The following B2M variants were observed in gnomAD, a reference collection of about 807,000 sequenced individuals.
The protein encoded by B2M is beta-2-microglobulin.
Under a neutral mutation model 14.5 loss-of-function variants are expected in B2M, and 3 were observed. The observed-to-expected ratio is 0.21, with a 90% confidence interval of 0.09 to 0.53. The LOEUF (loss-of-function observed/expected upper bound fraction) is 0.53, where lower values mean the gene tolerates loss of function less well. Ranked by LOEUF, B2M falls within the 20% of genes least tolerant of loss-of-function variation. The pLI, the probability that B2M is intolerant of heterozygous loss-of-function variation, is 0.95. For missense variants in B2M, 107 were observed against 140.8 expected (o/e 0.76, Z 1.21); for synonymous variants, 45 against 52.7 (o/e 0.85, Z 0.64).
intron 2 of B2M, chr15:44,716,125 A>G (rs1002665848): frequency 3.1e-6 from 2 of 638,266 alleles, no homozygotes; most frequent in Admixed American, 5.5e-5. Flanking sequence ...GGACTTCTCC[A>G]GTACTTTCTG....
rs1423086153 is a variant in B2M at position 44,713,925 on chromosome 15, GA to G, written c.68-1497del. On this transcript the variant is annotated intron_variant, in intron 1 of 3. Transcript: ENST00000648006. ...TTCTCCCCACAGCCTCCCAGACAAG[GA>G]GGAGTAGCTGCCTTTTAGTGATCAT... 4 of 152,148 alleles carry G rather than the reference GA, an allele frequency of 2.6e-5. No individual in the cohort carries two copies. In the East Asian group the frequency reaches 7.7e-4, roughly 29 times the overall value. 9.4% of individuals were successfully genotyped at this position (152,148 alleles called of 1,614,324 possible). A position where few individuals can be genotyped will look rare whatever the true frequency, so the allele number is the denominator to read the frequency against.
intron 1 of B2M, 35 bp downstream of exon 1, chr15:44,711,648 C>T: frequency 2.5e-6 from 4 of 1,591,716 alleles, no homozygotes; most frequent in Non-Finnish European, 3.4e-6. Flanking sequence ...CTGGTCCTTC[C>T]TCTCCCGCTC....
At chr15:44,714,897 GC>G in intron 1 of B2M, 1 of 205,620 alleles carries the variant, frequency 4.9e-6, no homozygotes, top group Non-Finnish European at 9.9e-6. Context: ...GTAGATCAAG[GC>G]AGGAGCAGGA....
At chr15:44,715,389 C>T (rs2086929523) in intron 1 of B2M, 34 bp from the exon 2 acceptor site, 1 of 1,603,474 alleles carries the variant, frequency 6.2e-7, no homozygotes, top group Non-Finnish European at 8.5e-7. Context: ...AATACCCTGG[C>T]AATATTAATG....
intron 1 of B2M, chr15:44,714,561 C>A (rs2086920787): frequency 6.6e-6 from 1 of 152,096 alleles, no homozygotes; most frequent in Admixed American, 6.6e-5. Context: ...TCAAGACCAG[C>A]CTGGCCAACA....
intron 2 of B2M, 60 bp downstream of exon 2, chr15:44,715,761 A>G: frequency 6.3e-7 from 1 of 1,597,654 alleles, no homozygotes; most frequent in Non-Finnish European, 8.6e-7. Flanking sequence ...CATATCATAA[A>G]GCTGCTTTGA....
intron 1 of B2M, chr15:44,712,043 G>A: frequency 3.6e-6 from 1 of 278,002 alleles, no homozygotes; most frequent in Non-Finnish European, 7.1e-6. Context: ...GTGGAGGGGC[G>A]CTTGGGGTCT....
intron 1 of B2M, chr15:44,712,149 A>T: frequency 3.8e-6 from 1 of 262,540 alleles, no homozygotes; most frequent in East Asian, 9.4e-5. Flanking sequence ...CTAAGTTCGC[A>T]TGTCCTAGCA....
chr15:44,715,688 G>T lies in B2M; in HGVS notation c.333G>T (p.Lys111Asn). ...RVNHVTLSQP[K>N]IVKWDRDM ...ACCATGTGACTTTGTCACAGCCCAA[G>T]ATAGTTAAGTGGGGTAAGTCTTACA... The change falls in exon 2 of 4, where the codon AAG (lysine) becomes AAT (asparagine). Residue 111 changes from lysine to asparagine, a missense_variant. Physicochemically the swap from Lys to Asn is moderately conservative, Grantham distance 94. Transcript: ENST00000648006. 6 of 1,614,192 alleles carry T rather than the reference G, an allele frequency of 3.7e-6. No homozygotes were observed. The highest frequency in any genetic ancestry group is 5.1e-6 in the Non-Finnish European group (6 of 1,180,034).
chr15:44,716,508 TCTC>T, intron 3 of B2M, 152 bp downstream of exon 3: 3 of 860,128 alleles, frequency 3.5e-6, no homozygotes, highest in Non-Finnish European at 1.9e-6. Flanking sequence ...CATGTTCCCT[TCTC>T]CTGTGGAGTG....
At chr15:44,712,386 G>T (rs866629476) in intron 1 of B2M, among the ~76,000 whole-genome samples, 1 of 152,152 alleles carries the variant, frequency 6.6e-6, no homozygotes, top group Non-Finnish European at 1.5e-5. Context: ...TTCCGCCATA[G>T]ATAACTACTA....
intron 1 of B2M, chr15:44,713,206 A>G (rs1331329536): frequency 6.6e-6 from 1 of 152,188 alleles, no homozygotes; most frequent in Non-Finnish European, 1.5e-5. Context: ...TCGAAAGCAG[A>G]ATGTTTTGAT....
At chr15:44,716,467 T>C (rs1259420199) in intron 3 of B2M, 111 bp downstream of exon 3, 1 of 1,202,972 alleles carries the variant, frequency 8.3e-7, no homozygotes, top group African/African-American at 1.5e-5. Flanking sequence ...CAGAGTAACA[T>C]TTTAGCAGGG....
chr15:44,716,491 A>G (rs2086943122), intron 3 of B2M, 135 bp downstream of exon 3: 5 of 1,008,920 alleles, frequency 5.0e-6, no homozygotes, highest in East Asian at 2.4e-5. Flanking sequence ...GAAGAATCCT[A>G]CAGGGTCATG....
At chr15:44,713,979 G>C (rs544253613) in intron 1 of B2M, 1 of 152,090 alleles carries the variant, frequency 6.6e-6, no homozygotes, top group African/African-American at 2.4e-5. Flanking sequence ...GTATTTAAAA[G>C]AATTTTATAC....
chr15:44,713,219 T>C (rs567309022), intron 1 of B2M: 5 of 152,304 alleles, frequency 3.3e-5, no homozygotes, highest in African/African-American at 1.2e-4. Context: ...GTTTTGATCA[T>C]GAGAAAATTG....
chr15:44,711,902 G>A (rs2086874848), intron 1 of B2M: 1 of 572,578 alleles, frequency 1.7e-6, no homozygotes, highest in South Asian at 2.0e-5. Flanking sequence ...GCGTCGATAA[G>A]CGTCAGAGCG....
chr15:44,711,844 G>T, intron 1 of B2M: 1 of 661,108 alleles, frequency 1.5e-6, no homozygotes, highest in Non-Finnish European at 2.7e-6. Context: ...CGGGGAGCAG[G>T]GGAGACCTTT....
chr15:44,712,126 G>A (rs1669854), intron 1 of B2M: 4,161 of 265,744 alleles, frequency 0.016, 168 homozygotes, highest in African/African-American at 0.087. Flanking sequence ...TGTGGACTTC[G>A]TCTAGGCGCC....
Sources: allele counts gnomAD v4.1 joint callset (sites outside exome capture counted in the v4.1 genomes callset), GRCh38; gene constraint gnomAD v4.1.1; transcripts MANE v1.5; gene names NCBI Gene and HGNC (gene_info 2026-07-23, HGNC 2026-07-21).